The following CSMD1 variants were observed in gnomAD, a reference collection of about 807,000 sequenced individuals.
The protein encoded by CSMD1 is CUB and Sushi multiple domains 1.
In CSMD1, 213 loss-of-function variants were observed where a neutral mutation model predicts 417.5. The observed-to-expected ratio is 0.51, with a 90% CI of 0.46 to 0.57. The LOEUF (loss-of-function observed/expected upper bound fraction) is 0.57, where lower values mean the gene tolerates loss of function less well. CSMD1 is among the 20% of genes least tolerant of loss of function. CSMD1 has a pLI of 0.00. For synonymous variants in CSMD1, 2,862 were observed against 1,736.8 expected, an observed-to-expected ratio of 1.65 and a Z score of -16.11; for missense variants, 6,923 against 4,529.7, an observed-to-expected ratio of 1.53 and a Z score of -15.17.
intron 3 of CSMD1, among the ~76,000 whole-genome samples, chr8:4,255,431 C>T (rs17069759): frequency 6.6e-6 from 1 of 152,278 alleles, no homozygotes; most frequent in Non-Finnish European, 1.5e-5. Context: ...TTGCTGTTTT[C>T]TCACTTACTT....
intron 13 of CSMD1, 78 bp downstream of exon 13, chr8:3,409,345 T>C (rs1812536726): frequency 3.0e-6 from 4 of 1,334,496 alleles, no homozygotes; most frequent in Admixed American, 5.0e-5. Flanking sequence ...AAATGGGCGG[T>C]CTGTGTCTTT....
chr8:4,909,596 AT>A (rs1314333610), intron 1 of CSMD1, among the ~76,000 whole-genome samples: 2 of 152,078 alleles, frequency 1.3e-5, no homozygotes, highest in African/African-American at 4.8e-5. Context: ...TATTCCTGGA[AT>A]TTTCACCGTG....
chr8:4,612,832 G>A (rs1216778291), intron 2 of CSMD1, among the ~76,000 whole-genome samples: 4 of 152,192 alleles, frequency 2.6e-5, no homozygotes, highest in African/African-American at 7.2e-5. Context: ...GAATTTAAGA[G>A]AGGCTAAACA....
At chr8:3,874,968 G>A (rs763323668) in intron 5 of CSMD1, among the ~76,000 whole-genome samples, 34 of 152,150 alleles carry the variant, frequency 2.2e-4, no homozygotes, top group Non-Finnish European at 1.0e-4. Context: ...CTACCATGAA[G>A]GAGCCAAGCA....
Position 4,555,608 on chromosome 8 carries a change from T to G in CSMD1, c.302+81734A>C, listed in dbSNP as rs541772230. On this transcript the variant is annotated intron_variant, in intron 2 of 69. Transcript: ENST00000635120. ...TCACTTTGGGTTTCAGCAGCTTATATCTCTATGGAGTGTTTTAATTCTTCA... is the reference window on the plus strand; with the variant it reads ...TCACTTTGGGTTTCAGCAGCTTATAGCTCTATGGAGTGTTTTAATTCTTCA... Among the ~76,000 whole-genome samples the G allele has an allele frequency of 2.6e-5, 4 of 152,294 alleles. No individual in the cohort carries two copies. The East Asian group carries it at 7.7e-4, about 29-fold the overall frequency.
intron 2 of CSMD1, among the ~76,000 whole-genome samples, chr8:4,491,480 T>C (rs1362138041): frequency 1.3e-5 from 2 of 152,190 alleles, no homozygotes; most frequent in African/African-American, 2.4e-5. Flanking sequence ...TATGGACTTT[T>C]GTTGGTGTAT....
chr8:2,954,405 C>G (rs930351151), intron 64 of CSMD1, 137 bp from the exon 65 acceptor site: 23 of 531,928 alleles, frequency 4.3e-5, no homozygotes, highest in African/African-American at 3.7e-4. Flanking sequence ...TATACATATA[C>G]ATTTTAAACT....
chr8:3,773,504 C>G (rs1291715216), intron 5 of CSMD1, among the ~76,000 whole-genome samples: 3 of 152,238 alleles, frequency 2.0e-5, no homozygotes, highest in African/African-American at 7.2e-5. Flanking sequence ...CCAGGCTGGT[C>G]TTGAACTCCT....
chr8:3,300,834 A>G (rs1584956230), intron 25 of CSMD1, among the ~76,000 whole-genome samples: 2 of 151,664 alleles, frequency 1.3e-5, no homozygotes, highest in Non-Finnish European at 2.9e-5. Context: ...TGGCACATGC[A>G]TGTAATCCCA....
chr8:4,160,890 T>G (rs927474468), intron 3 of CSMD1, among the ~76,000 whole-genome samples: 1 of 152,220 alleles, frequency 6.6e-6, no homozygotes, highest in African/African-American at 2.4e-5. Flanking sequence ...CATACTGCTG[T>G]TGTTCTCTGC....
At chr8:3,539,012 T>A (rs1444124874) in intron 10 of CSMD1, among the ~76,000 whole-genome samples, 1 of 152,100 alleles carries the variant, frequency 6.6e-6, no homozygotes, top group Non-Finnish European at 1.5e-5. Context: ...GAAAATAAAA[T>A]CCAAACACAT....
intron 26 of CSMD1, among the ~76,000 whole-genome samples, chr8:3,268,697 G>A (rs1366460478): frequency 6.6e-6 from 1 of 152,144 alleles, no homozygotes; most frequent in East Asian, 1.9e-4. Flanking sequence ...ATAATCCAGT[G>A]AATTAAATGT....
chr8:4,850,717 G>C (rs1368501602), intron 1 of CSMD1, among the ~76,000 whole-genome samples: 1 of 152,004 alleles, frequency 6.6e-6, no homozygotes, highest in East Asian at 1.9e-4. Context: ...AGAGTGTCGT[G>C]AAGCAGTTGT....
intron 3 of CSMD1, among the ~76,000 whole-genome samples, chr8:4,262,420 T>C (rs1222400553): frequency 6.6e-6 from 1 of 152,198 alleles, no homozygotes; most frequent in Admixed American, 6.5e-5. Flanking sequence ...TGGTTAGAAA[T>C]TTAAGAACAT....
At chr8:3,746,878 T>C (rs1797088145) in intron 6 of CSMD1, among the ~76,000 whole-genome samples, 2 of 152,200 alleles carry the variant, frequency 1.3e-5, no homozygotes, top group African/African-American at 4.8e-5. Flanking sequence ...TGTCATCACA[T>C]GGCCAGCCCA....
chr8:4,465,091 T>A (rs922524769), intron 2 of CSMD1, among the ~76,000 whole-genome samples: 4 of 152,070 alleles, frequency 2.6e-5, no homozygotes, highest in Non-Finnish European at 5.9e-5. Flanking sequence ...ACGGAACGGT[T>A]TTCACTGGGA....
At chr8:3,131,663 G>C (rs919593372) in intron 41 of CSMD1, among the ~76,000 whole-genome samples, 2 of 151,900 alleles carry the variant, frequency 1.3e-5, no homozygotes, top group African/African-American at 2.4e-5. Context: ...GTAGAGACGG[G>C]GTTTTGCCAT....
chr8:4,982,241 C>T (rs781028282), intron 1 of CSMD1, among the ~76,000 whole-genome samples: 3 of 152,184 alleles, frequency 2.0e-5, no homozygotes, highest in African/African-American at 7.2e-5. Flanking sequence ...GAAGCTGTTG[C>T]GTTTGCAATA....
intron 1 of CSMD1, among the ~76,000 whole-genome samples, chr8:4,801,899 T>C (rs2117286668): frequency 6.6e-6 from 1 of 152,348 alleles, no homozygotes; most frequent in African/African-American, 2.4e-5. Flanking sequence ...ATAGGTACTA[T>C]TTGCAAGGCA....
Sources: gnomAD v4.1 joint callset for allele counts (sites outside exome capture counted in the v4.1 genomes callset) on GRCh38, gnomAD v4.1.1 for gene constraint, MANE v1.5 for transcripts, NCBI Gene and HGNC (gene_info 2026-07-23, HGNC 2026-07-21) for gene names.